The following VPS13C variants were observed in gnomAD, a reference collection of about 807,000 sequenced individuals.
VPS13C encodes the protein vacuolar protein sorting 13 homolog C, also known as intermembrane lipid transfer protein VPS13C.
A neutral mutation model predicts 456.8 loss-of-function variants in VPS13C; 358 were observed. The ratio of observed to expected loss-of-function variants is 0.78; its 90% CI spans 0.72 to 0.86. The LOEUF (loss-of-function observed/expected upper bound fraction) is 0.86. VPS13C is among the 40% of genes least tolerant of loss of function. VPS13C has a pLI of 0.00. For synonymous variants in VPS13C, 1,578 were observed against 1,486.7 expected (o/e 1.06, Z -1.41); for missense variants, 4,818 against 4,385.4 (o/e 1.10, Z -2.79).
At position 61,878,743 on chromosome 15, in the gene VPS13C, G is replaced by A. The variant is rs774044358; in HGVS notation, c.10006C>T (p.His3336Tyr). The change falls in exon 74 of 85, where the codon CAT (histidine) becomes TAT (tyrosine). Residue 3336 changes from histidine to tyrosine, a missense_variant. Around this residue, in one of 3 missense-constraint regions of VPS13C, gnomAD observed 4,552 missense variants for 4,130.6 expected, o/e 1.10. Coordinates refer to ENST00000644861, the MANE Select transcript of VPS13C (RefSeq NM_020821.3). Reference sequence around the variant, plus strand: ...CCGGAACCCAAAGACAAACTCAAATGCAACTAAAAGAAAAATAATGTTCAA... The same window carrying A: ...CCGGAACCCAAAGACAAACTCAAATACAACTAAAAGAAAAATAATGTTCAA... ...EHFHISPVKL[H>Y]LSLSLGSGGE... is the part of the protein sequence containing the mutation. 1 of 1,600,612 alleles carries A rather than the reference G, an allele frequency of 6.2e-7. No individual in the cohort carries two copies. Among genetic ancestry groups the A allele is most frequent in the South Asian group, 1.1e-5 (1 of 89,094 alleles).
Position 62,034,997 on chromosome 15 carries a change from C to G in VPS13C, c.243G>C (p.Ala81=). The change falls in exon 4 of 85, where the codon GCG becomes GCC. Residue 81 remains alanine, a synonymous_variant. Transcript: ENST00000644861. ...WKNLYGEAVV[A]TLEGLYLLVV... ...CAAGCAGGTATAATCCTTCCAGGGT[C>G]GCAACAACTGCTTCTCCATAAAGGT... is the stretch of plus-strand genomic sequence containing the variant. 6.2e-7 allele frequency: 1 copy of G among 1,603,178 alleles called. No homozygotes were observed. The highest frequency in any genetic ancestry group is 8.5e-7 in the Non-Finnish European group (1 of 1,173,864).
intron 15 of VPS13C, among the ~76,000 whole-genome samples, chr15:62,006,923 A>G (rs1252494239): frequency 6.6e-6 from 1 of 152,134 alleles, no homozygotes; most frequent in African/African-American, 2.4e-5. Context: ...GCTGTTTTTT[A>G]TAAATAATAT....
chr15:61,890,609 G>C (rs374609905), intron 66 of VPS13C, among the ~76,000 whole-genome samples: 167 of 152,288 alleles, frequency 1.1e-3, no homozygotes, highest in African/African-American at 3.8e-3. Context: ...ATAGTACGTA[G>C]TTTTTTAATA....
intron 69 of VPS13C, among the ~76,000 whole-genome samples, chr15:61,882,322 G>C (rs915031892): frequency 6.6e-6 from 1 of 152,058 alleles, no homozygotes; most frequent in Non-Finnish European, 1.5e-5. Flanking sequence ...ATCTTATTTG[G>C]GGGTCCCATG....
Position 62,012,159 on chromosome 15 carries a change from C to G in VPS13C, c.831G>C (p.Gln277His). ...YQRSREQILD[Q>H]LKNEILTSGN... ...CACTTGTAAGAATTTCATTTTTCAG[C>G]TGATCCTAAACAAAAAATTTGAATG... Residue 277 changes from glutamine (Q) to histidine (H), a missense_variant, in exon 12 of 85, where the codon CAG becomes CAC. Coordinates refer to ENST00000644861, the MANE Select transcript of VPS13C (RefSeq NM_020821.3). 1.3e-6 allele frequency: 2 copies of G among 1,545,336 alleles called. No homozygotes were observed. The highest frequency in any genetic ancestry group is 1.8e-6 in the Non-Finnish European group (2 of 1,123,648).
At chr15:61,954,340 T>A in intron 38 of VPS13C, 81 bp downstream of exon 38, 1 of 1,464,460 alleles carries the variant, frequency 6.8e-7, no homozygotes, top group Non-Finnish European at 9.2e-7. Flanking sequence ...CAGTATCAAT[T>A]ATCTGTAAGT....
At chr15:62,031,164 T>C (rs2047806011) in intron 5 of VPS13C, among the ~76,000 whole-genome samples, 2 of 152,180 alleles carry the variant, frequency 1.3e-5, no homozygotes, top group South Asian at 2.1e-4. Flanking sequence ...TCCTATACGA[T>C]AGTGGGAAAC....
At chr15:61,929,467 A>G in intron 51 of VPS13C, 34 bp downstream of exon 51, 1 of 1,573,272 alleles carries the variant, frequency 6.4e-7, no homozygotes, top group Non-Finnish European at 8.6e-7. Context: ...CAAAATATAC[A>G]AGTTGTCATC....
chr15:61,971,767 T>C (rs1466197906), intron 27 of VPS13C, among the ~76,000 whole-genome samples: 1 of 152,186 alleles, frequency 6.6e-6, no homozygotes, highest in African/African-American at 2.4e-5. Context: ...TTGGATGTAG[T>C]ATGGAGAAAG....
At position 61,929,521 on chromosome 15, in the gene VPS13C, C is replaced by A; in HGVS notation, c.6266G>T (p.Gly2089Val). Residue 2089 changes from glycine to valine, a missense_variant, in exon 51 of 85, where the codon GGG becomes GTG. Around this residue, in one of 3 missense-constraint regions of VPS13C, gnomAD observed 4,552 missense variants for 4,130.6 expected, o/e 1.10. Transcript: ENST00000644861. ...CTAACCTTTCTCTATCTTGACCTTC[C>A]CTGTGGCAGTCTGTCTTGGTAAAAT... ...TQILPRQTAT[G>V]KVKIEKDDSV... The A allele has an allele frequency of 6.2e-7, 1 of 1,613,822 alleles. No individual in the cohort carries two copies. The highest frequency in any genetic ancestry group is 2.2e-5 in the East Asian group (1 of 44,852).
intron 40 of VPS13C, 51 bp from the exon 41 acceptor site, chr15:61,950,468 T>C (rs756984521): frequency 7.3e-7 from 1 of 1,361,258 alleles, no homozygotes; most frequent in African/African-American, 1.4e-5. Context: ...TAAAAATTCA[T>C]ACACTGAAAA....
chr15:62,034,615 C>A (rs1191042578), intron 4 of VPS13C, among the ~76,000 whole-genome samples: 5 of 151,600 alleles, frequency 3.3e-5, no homozygotes, highest in East Asian at 1.9e-4. Flanking sequence ...GAGATTAACA[C>A]ATCAGGATAT....
chr15:62,037,257 ATATATTATATTATATAATATATTATATAT>A (rs2048049466), intron 3 of VPS13C, among the ~76,000 whole-genome samples: 2 of 26,092 alleles, frequency 7.7e-5, no homozygotes, highest in East Asian at 1.9e-3. Flanking sequence ...ATATATTTAT[ATATATTATATTATATAATATATTATATAT>A]ATTATATTAT....
intron 50 of VPS13C, among the ~76,000 whole-genome samples, chr15:61,930,328 G>A (rs936183344): frequency 1.3e-5 from 2 of 152,096 alleles, no homozygotes; most frequent in Non-Finnish European, 2.9e-5. Context: ...CACCCTTGCC[G>A]GGAGAGCTGT....
intron 81 of VPS13C, chr15:61,864,158 GT>G (rs1361149101): frequency 4.1e-6 from 1 of 243,436 alleles, no homozygotes; most frequent in East Asian, 1.8e-4. Flanking sequence ...TTAAACATGC[GT>G]GGGGAAGTAT....
intron 45 of VPS13C, among the ~76,000 whole-genome samples, 155 bp downstream of exon 45, chr15:61,945,560 C>G (rs1382399782): frequency 6.6e-6 from 1 of 152,152 alleles, no homozygotes; most frequent in Non-Finnish European, 1.5e-5. Flanking sequence ...TGGTTAACAT[C>G]ATGAAAAGGA....
chr15:62,028,225 GA>G (rs2047701732), intron 6 of VPS13C, 132 bp downstream of exon 6: 2 of 817,226 alleles, frequency 2.4e-6, no homozygotes, highest in East Asian at 2.7e-5. Context: ...AATGATGGTA[GA>G]GGGGGAAAAC....
chr15:62,056,070 G>C (rs1455094969), intron 1 of VPS13C, among the ~76,000 whole-genome samples: 1 of 152,096 alleles, frequency 6.6e-6, no homozygotes. Context: ...CACTGCTTTA[G>C]GCTAGTTAGA....
chr15:61,959,649 A>G, intron 35 of VPS13C, 54 bp from the exon 36 acceptor site: 4 of 1,551,204 alleles, frequency 2.6e-6, no homozygotes, highest in Non-Finnish European at 2.6e-6. Context: ...GAAATGCAAC[A>G]TATTAAAAAA....
Sources: gnomAD v4.1 joint callset for allele counts (sites outside exome capture counted in the v4.1 genomes callset) on GRCh38, gnomAD v4.1.1 for gene constraint, gnomAD v4.1.1 regional missense constraint, MANE v1.5 for transcripts, NCBI Gene and HGNC (gene_info 2026-07-23, HGNC 2026-07-21) for gene names.